The following GPR173 variants were observed in gnomAD, a reference collection of about 807,000 sequenced individuals.
GPR173 encodes G protein-coupled receptor 173.
In GPR173, 2 loss-of-function variants were observed where a neutral mutation model predicts 13.9. The ratio of observed to expected loss-of-function variants is 0.14; its 90% confidence interval spans 0.06 to 0.45. The LOEUF (loss-of-function observed/expected upper bound fraction) is 0.45, where lower values mean the gene tolerates loss of function less well. Ranked by LOEUF, GPR173 falls within the 20% of genes least tolerant of loss-of-function variation. The pLI is 0.98. For missense variants in GPR173, 202 were observed against 340.5 expected (o/e 0.59, Z 3.20); for synonymous variants, 131 against 141.0 (o/e 0.93, Z 0.50).
At chrX:53,061,193 A>C (rs782099422) in intron 1 of GPR173, among the ~76,000 whole-genome samples, 1 of 107,548 alleles carries the variant, frequency 9.3e-6, no homozygotes, top group Non-Finnish European at 1.9e-5. Flanking sequence ...ACTGCACTCC[A>C]GCCTGGGTGA....
chrX:53,073,889 T>A (rs1275928734), intron 1 of GPR173, among the ~76,000 whole-genome samples: 3 of 6,672 alleles, frequency 4.5e-4, no homozygotes, highest in South Asian at 5.1e-3. Context: ...ATATATATAT[T>A]TATATTTATT....
chrX:53,067,652 C>T (rs372356102), intron 1 of GPR173, among the ~76,000 whole-genome samples: 5 of 110,626 alleles, frequency 4.5e-5, no homozygotes, highest in African/African-American at 9.9e-5. Context: ...AGTGAAACCC[C>T]GTCTCTACTA....
In GPR173 at chrX:53,048,915, C is replaced by T. The variant is rs1602086083; in HGVS notation, c.-667C>T. On this transcript the variant is annotated 5_prime_UTR_variant, in exon 1 of 2. Transcript: ENST00000332582. ...CGGGGTGAGCCTGGATGAGAGCCCC[C>T]CCAACCTGGGGCTCTCCCAGGCCAT... 9.0e-6 allele frequency among the ~76,000 whole-genome samples: 1 copy of T among 111,134 alleles called. No homozygotes were observed. Among genetic ancestry groups the T allele is most frequent in the South Asian group, 3.8e-4 (1 of 2,618 alleles).
At chrX:53,055,434 G>C (rs1202986525) in intron 1 of GPR173, among the ~76,000 whole-genome samples, 1 of 110,442 alleles carries the variant, frequency 9.1e-6, no homozygotes, top group Non-Finnish European at 1.9e-5. Flanking sequence ...GATGGAGTGT[G>C]TAGTAAGGTA....
Position 53,077,786 on chromosome X carries a change from C to T in GPR173, c.*43C>T. 2.8e-6 allele frequency: 3 copies of T among 1,082,271 alleles called. No homozygotes were observed. Among genetic ancestry groups the T allele is most frequent in the Non-Finnish European group, 2.5e-6 (2 of 788,180 alleles). 89.2% of individuals were successfully genotyped at this position (1,082,271 alleles called of 1,213,427 possible). A position where few individuals can be genotyped will look rare whatever the true frequency, so the allele number is the denominator to read the frequency against. On this transcript the variant is annotated 3_prime_UTR_variant, in exon 2 of 2. Transcript: ENST00000332582. ...ACAGGCAGAGAGAAGGTCATGGCCACCGTGATGGGGCCAACAGCAAGGGAG... is the reference window on the plus strand; with the variant it reads ...ACAGGCAGAGAGAAGGTCATGGCCATCGTGATGGGGCCAACAGCAAGGGAG...
intron 1 of GPR173, among the ~76,000 whole-genome samples, chrX:53,056,250 G>A (rs782119494): frequency 9.1e-6 from 1 of 110,148 alleles, no homozygotes; most frequent in Non-Finnish European, 1.9e-5. Flanking sequence ...GAGAACGGGA[G>A]TATTTAGATG....
In GPR173 at chrX:53,078,968, C is replaced by T. The variant is rs1932486992; in HGVS notation, c.*1225C>T. On this transcript the variant is annotated 3_prime_UTR_variant, in exon 2 of 2. Transcript: ENST00000332582. ...AGCATCCTTCTTTCCCAACAACCCT[C>T]CTTCCCCATCCTTCCCCCACCCTTA... is the stretch of plus-strand genomic sequence containing the variant. 8.2e-6 allele frequency: 1 copy of T among 122,335 alleles called. No individual in the cohort carries two copies. Among genetic ancestry groups the T allele is most frequent in the African/African-American group, 3.3e-5 (1 of 30,511 alleles). The allele number at this position is 122,335 out of a possible 1,213,427, so 10.1% of individuals were successfully genotyped here.
intron 1 of GPR173, among the ~76,000 whole-genome samples, chrX:53,072,919 C>A (rs1556804945): frequency 9.0e-6 from 1 of 110,974 alleles, no homozygotes; most frequent in Non-Finnish European, 1.9e-5. Flanking sequence ...TCTGAGATTT[C>A]AGGGTGCCAT....
intron 1 of GPR173, among the ~76,000 whole-genome samples, chrX:53,051,791 G>T (rs1931960550): frequency 9.0e-6 from 1 of 111,297 alleles, no homozygotes; most frequent in South Asian, 3.8e-4. Context: ...GGGTGTGCAT[G>T]CCCAATTAGA....
intron 1 of GPR173, among the ~76,000 whole-genome samples, chrX:53,072,325 C>A (rs782318149): frequency 9.3e-6 from 1 of 107,500 alleles, no homozygotes; most frequent in East Asian, 2.9e-4. Context: ...CACCCCACCC[C>A]GTCTCTATTT....
intron 1 of GPR173, among the ~76,000 whole-genome samples, chrX:53,067,823 C>CAA (rs58304820): frequency 0.29 from 22,344 of 77,004 alleles, 4,109 homozygotes; most frequent in African/African-American, 0.58. Flanking sequence ...GACTCCATCT[C>CAA]AAAAAAAAAA....
At position 53,076,871 on chromosome X, in the gene GPR173, C is replaced by T. The variant is rs781854629; in HGVS notation, c.250C>T (p.Arg84Cys). The T allele has an allele frequency of 5.0e-6, 6 of 1,208,700 alleles. No homozygotes were observed. Among genetic ancestry groups the T allele is most frequent in the South Asian group, 1.8e-5 (1 of 56,947 alleles). The change falls in exon 2 of 2, where the codon CGC (arginine) becomes TGC (cysteine). Residue 84 changes from arginine (R) to cysteine (C), a missense_variant. Transcript: ENST00000332582. ...CTTCCCCTTTGTGCTGGCTTCTGTG[C>T]GCCACGGCTCTTCATGGACCTTCAG... ...VCFPFVLASV[R>C]HGSSWTFSAL... is the part of the protein sequence containing the mutation.
chrX:53,073,516 A>G (rs993088030), intron 1 of GPR173, among the ~76,000 whole-genome samples: 1 of 109,401 alleles, frequency 9.1e-6, no homozygotes, highest in African/African-American at 3.3e-5. Context: ...TCACCACCAG[A>G]TGTACCCCCC....
intron 1 of GPR173, among the ~76,000 whole-genome samples, chrX:53,055,859 C>T (rs1031296525): frequency 3.8e-5 from 4 of 104,453 alleles, no homozygotes; most frequent in South Asian, 4.3e-4. Context: ...TTGGAGTGTG[C>T]GTGTGCTGTA....
At chrX:53,067,591 C>T (rs1281846432) in intron 1 of GPR173, among the ~76,000 whole-genome samples, 2 of 111,288 alleles carry the variant, frequency 1.8e-5, no homozygotes, top group African/African-American at 3.3e-5. Context: ...TTTGGGAGGT[C>T]GAGGCGGGCG....
At chrX:53,067,563 C>G (rs1192447564) in intron 1 of GPR173, among the ~76,000 whole-genome samples, 1 of 112,244 alleles carries the variant, frequency 8.9e-6, no homozygotes, top group Non-Finnish European at 1.9e-5. Context: ...CGGTGGCTCA[C>G]GCCTGTAATC....
chrX:53,079,003 A>G lies in GPR173; in HGVS notation c.*1260A>G, dbSNP rs1379964803. On this transcript the variant is annotated 3_prime_UTR_variant, in exon 2 of 2. Transcript: ENST00000332582. ...CCTTCCCCCACCCTTACCTACACCC[A>G]AAGTGGAGCACACTGCAGTCAGATT... 1.6e-5 allele frequency: 2 copies of G among 121,742 alleles called. No homozygotes were observed. The highest frequency in any genetic ancestry group is 9.6e-5 in the Admixed American group (1 of 10,426). 10.0% of individuals were successfully genotyped at this position (121,742 alleles called of 1,213,427 possible).
intron 1 of GPR173, among the ~76,000 whole-genome samples, chrX:53,066,319 G>A (rs1556804208): frequency 1.8e-5 from 2 of 111,054 alleles, no homozygotes; most frequent in Admixed American, 9.7e-5. Flanking sequence ...GTTTTGCTTC[G>A]AATCCATAAA....
At position 53,076,552 on chromosome X, in the gene GPR173, G is replaced by GC. The variant is rs1201271025; in HGVS notation, c.-63dup. 4.5e-6 allele frequency: 4 copies of GC among 883,885 alleles called. No individual in the cohort carries two copies. Among genetic ancestry groups the GC allele is most frequent in the Admixed American group, 3.1e-5 (1 of 32,232 alleles). The allele number at this position is 883,885 out of a possible 1,213,427, so 72.8% of individuals were successfully genotyped here. The stretch of plus-strand genomic sequence containing the variant: ...GCAATGTAGCAGGACAACTCATGGA[G>GC]CCCCCCCGGGCCCATCGAGTACCGG... On this transcript the variant is annotated 5_prime_UTR_variant, in exon 2 of 2. It removes the in-frame stop codon of an upstream open reading frame in the 5' UTR. Coordinates refer to ENST00000332582, the MANE Select transcript of GPR173 (RefSeq NM_018969.6).
Sources: gnomAD v4.1 joint callset for allele counts (sites outside exome capture counted in the v4.1 genomes callset) on GRCh38, gnomAD v4.1.1 for gene constraint, MANE v1.5 for transcripts, NCBI Gene and HGNC (gene_info 2026-07-23, HGNC 2026-07-21) for gene names.